Variants in ATF2 observed in about 807,000 individuals in gnomAD.
ATF2 encodes activating transcription factor 2, also known as cyclic AMP-dependent transcription factor ATF-2.
Under a neutral mutation model 60.6 loss-of-function variants are expected in ATF2, and 24 were observed. The ratio of observed to expected loss-of-function variants is 0.40; its 90% CI spans 0.29 to 0.56. ATF2 has a LOEUF of 0.56. Ranked by LOEUF, ATF2 falls within the 20% of genes least tolerant of loss-of-function variation. ATF2 has a pLI of 0.54. For missense variants in ATF2, 433 were observed against 607.7 expected (o/e 0.71, Z 3.02); for synonymous variants, 206 against 215.4 (o/e 0.96, Z 0.38).
chr2:175,157,303 G>C (rs532265000), intron 1 of ATF2, among the ~76,000 whole-genome samples: 1 of 152,186 alleles, frequency 6.6e-6, no homozygotes, highest in Non-Finnish European at 1.5e-5. Flanking sequence ...CCAAACAGCA[G>C]TAATAGGACC....
At chr2:175,076,282 T>C (rs1162718477) in intron 13 of ATF2, among the ~76,000 whole-genome samples, 2 of 152,100 alleles carry the variant, frequency 1.3e-5, no homozygotes, top group African/African-American at 4.8e-5. Context: ...ATCTTCTCTA[T>C]AACATGCTAT....
At chr2:175,115,943 A>G (rs1184885101) in intron 7 of ATF2, among the ~76,000 whole-genome samples, 1 of 152,088 alleles carries the variant, frequency 6.6e-6, no homozygotes, top group Non-Finnish European at 1.5e-5. Context: ...TGAGGAGGAG[A>G]GCATTTCATT....
chr2:175,164,260 G>A (rs927323837), intron 1 of ATF2, among the ~76,000 whole-genome samples: 14 of 151,846 alleles, frequency 9.2e-5, no homozygotes, highest in African/African-American at 3.4e-4. Flanking sequence ...TAGGCCTAGT[G>A]TAGTGGCTCA....
intron 1 of ATF2, among the ~76,000 whole-genome samples, chr2:175,163,932 A>AAAAAAAAAAAAAAAAAT (rs71031094): frequency 6.8e-6 from 1 of 148,014 alleles, no homozygotes; most frequent in African/African-American, 2.5e-5. Flanking sequence ...AAAAAAAAAA[A>AAAAAAAAAAAAAAAAAT]GAAAAGTGAA....
rs1574292367 is a variant in ATF2, at chr2:175,073,970, G to T, written c.*639C>A. 1 of 151,902 alleles carries T rather than the reference G, an allele frequency of 6.6e-6. No homozygotes were observed. Among genetic ancestry groups the T allele is most frequent in the Non-Finnish European group, 1.5e-5 (1 of 67,964 alleles). 9.4% of individuals were successfully genotyped at this position (151,902 alleles called of 1,614,324 possible). ...TTACTTAAAATCTTAAATAAAAAAG[G>T]AAAATGATTATAAATGACCTTGATT... On this transcript the variant is annotated 3_prime_UTR_variant, in exon 14 of 14. Coordinates refer to ENST00000264110, the MANE Select transcript of ATF2 (RefSeq NM_001880.4).
intron 10 of ATF2, among the ~76,000 whole-genome samples, chr2:175,100,455 A>C (rs945540293): frequency 6.6e-6 from 1 of 152,188 alleles, no homozygotes; most frequent in Non-Finnish European, 1.5e-5. Context: ...TATATATGAG[A>C]TGTAAAAAGT....
chr2:175,076,313 G>T (rs562561298), intron 13 of ATF2, among the ~76,000 whole-genome samples: 1 of 151,976 alleles, frequency 6.6e-6, no homozygotes, highest in East Asian at 1.9e-4. Flanking sequence ...CATACCCCTA[G>T]ATACTTGACC....
At chr2:175,091,408 T>A (rs1294705381) in intron 12 of ATF2, among the ~76,000 whole-genome samples, 1 of 152,170 alleles carries the variant, frequency 6.6e-6, no homozygotes, top group Non-Finnish European at 1.5e-5. Flanking sequence ...ACTTTGTTCA[T>A]GTAATATTTG....
At chr2:175,157,415 G>A (rs909155025) in intron 1 of ATF2, among the ~76,000 whole-genome samples, 9 of 152,146 alleles carry the variant, frequency 5.9e-5, no homozygotes, top group Admixed American at 3.9e-4. Flanking sequence ...ATCCCCTCTC[G>A]ATTGGGCAAG....
intron 1 of ATF2, among the ~76,000 whole-genome samples, chr2:175,158,477 C>G (rs983704548): frequency 6.6e-6 from 1 of 151,664 alleles, no homozygotes; most frequent in Admixed American, 6.6e-5. Context: ...TTTAAATTAT[C>G]CAGGGATAAT....
intron 5 of ATF2, among the ~76,000 whole-genome samples, chr2:175,119,643 T>C (rs1696815769): frequency 6.6e-6 from 1 of 151,616 alleles, no homozygotes; most frequent in South Asian, 2.1e-4. Context: ...GTTTCTAGCC[T>C]ATCCCTTAAT....
At chr2:175,148,156 C>G (rs1262569129) in intron 2 of ATF2, among the ~76,000 whole-genome samples, 2 of 152,082 alleles carry the variant, frequency 1.3e-5, no homozygotes, top group Non-Finnish European at 2.9e-5. Flanking sequence ...AAAATAGTTT[C>G]TGTGATGCCC....
chr2:175,114,582 A>G (rs1696421485), intron 8 of ATF2, 108 bp downstream of exon 8: 1 of 1,500,456 alleles, frequency 6.7e-7, no homozygotes. Context: ...GCATGCACAC[A>G]CATACAAAAC....
intron 10 of ATF2, among the ~76,000 whole-genome samples, chr2:175,108,215 G>A (rs1352047026): frequency 2.6e-5 from 4 of 151,458 alleles, no homozygotes; most frequent in South Asian, 2.1e-4. Context: ...CCCGCCGCCC[G>A]GCAGCCGCCC....
At chr2:175,094,301 C>T (rs765885741) in intron 11 of ATF2, among the ~76,000 whole-genome samples, 3 of 146,830 alleles carry the variant, frequency 2.0e-5, no homozygotes, top group Admixed American at 7.1e-5. Flanking sequence ...GGCTGAGGCA[C>T]GAGAATCACT....
At chr2:175,116,987 C>T (rs1462845197) in intron 7 of ATF2, among the ~76,000 whole-genome samples, 4 of 151,798 alleles carry the variant, frequency 2.6e-5, no homozygotes, top group Non-Finnish European at 5.9e-5. Context: ...AAATATTCAT[C>T]AATACTGAGG....
chr2:175,089,978 C>CATA (rs947633827), intron 12 of ATF2, among the ~76,000 whole-genome samples: 1 of 152,052 alleles, frequency 6.6e-6, no homozygotes, highest in Non-Finnish European at 1.5e-5. Flanking sequence ...CTTTATTAAG[C>CATA]ATAATAATAA....
chr2:175,116,710 G>C (rs1696596483), intron 7 of ATF2, among the ~76,000 whole-genome samples: 1 of 151,744 alleles, frequency 6.6e-6, no homozygotes, highest in African/African-American at 2.4e-5. Flanking sequence ...TAATGATTGG[G>C]GAATGCAGAA....
intron 1 of ATF2, among the ~76,000 whole-genome samples, chr2:175,158,570 A>G (rs1441360116): frequency 6.6e-6 from 1 of 152,134 alleles, no homozygotes; most frequent in Non-Finnish European, 1.5e-5. Flanking sequence ...TCCTACGGCA[A>G]GAAGCAAACG....
Sources: gnomAD v4.1 joint callset for allele counts (sites outside exome capture counted in the v4.1 genomes callset) on GRCh38, gnomAD v4.1.1 for gene constraint, MANE v1.5 for transcripts, NCBI Gene and HGNC (gene_info 2026-07-23, HGNC 2026-07-21) for gene names.